The following BRAT1 variants were observed in gnomAD, a reference collection of about 807,000 sequenced individuals.
BRAT1 encodes BRCA1 associated ATM activator 1.
A neutral mutation model predicts 70.6 loss-of-function variants in BRAT1; 74 were observed. That is an observed-to-expected ratio of 1.05 (90% CI 0.87 to 1.27). The LOEUF (loss-of-function observed/expected upper bound fraction) is 1.27, where lower values mean the gene tolerates loss of function less well. Among genes scored for constraint, BRAT1 ranks in the 50% most tolerant of loss-of-function variants. The pLI is 0.00. For synonymous variants in BRAT1, 615 were observed against 517.1 expected, an observed-to-expected ratio of 1.19 and a Z score of -2.57; for missense variants, 1,203 against 1,098.2, an observed-to-expected ratio of 1.10 and a Z score of -1.35.
chr7:2,545,024 C>T lies in BRAT1; in HGVS notation c.315G>A (p.Glu105=). Residue 105 remains glutamate, a synonymous_variant, in exon 4 of 14, where the codon GAG becomes GAA. Transcript: ENST00000340611. ...AGGTTGCTCGGCCGAGGGGTCCTGG[C>T]TCCCCAAAGAGCCCTGGTAGTAACT... The part of the protein sequence containing the change: ...QGELLPGLFG[E]PGPLGRATWA... 2 of 1,527,934 alleles carry T rather than the reference C, an allele frequency of 1.3e-6. No individual in the cohort carries two copies. The highest frequency in any genetic ancestry group is 2.5e-5 in the South Asian group (2 of 79,846). 94.6% of individuals were successfully genotyped at this position (1,527,934 alleles called of 1,614,324 possible).
chr7:2,541,993 C>T, intron 7 of BRAT1, 127 bp downstream of exon 7: 2 of 1,207,648 alleles, frequency 1.7e-6, no homozygotes, highest in Non-Finnish European at 2.3e-6. Flanking sequence ...CCCCTTTGCT[C>T]TTGGAGGGAG....
chr7:2,539,703 C>G, intron 11 of BRAT1, 61 bp from the exon 12 acceptor site: 1 of 1,548,874 alleles, frequency 6.5e-7, no homozygotes, highest in Non-Finnish European at 8.8e-7. Flanking sequence ...GCCCTCAGAG[C>G]CAGCTGAGCC....
In BRAT1 at chr7:2,538,108, C is replaced by T. The variant is rs760489828; in HGVS notation, c.2427G>A (p.Thr809=). 3.0e-5 allele frequency: 47 copies of T among 1,591,204 alleles called. No individual in the cohort carries two copies. In the South Asian group the frequency reaches 3.1e-4, roughly 11 times the overall value. ...PQSLLQDMLA[T]GGFLQGDEAD... ...CCTCGTCCCCCTGCAGGAAGCCTCC[C>T]GTGGCCAGCATGTCCTGCAGGAGGG... Residue 809 remains threonine (T), a synonymous_variant, in exon 14 of 14, where the codon ACG becomes ACA. Transcript: ENST00000340611.
chr7:2,539,775 G>T lies in BRAT1; in HGVS notation c.1498+11C>A. Reference sequence around the variant, plus strand: ...TCCAGCTCCGTTCACCCCTGCAAGGGGCTGCGTTACCTCTGAGGAACTGCG... The same window carrying T: ...TCCAGCTCCGTTCACCCCTGCAAGGTGCTGCGTTACCTCTGAGGAACTGCG... On this transcript the variant is annotated intron_variant, in intron 11 of 13. Coordinates refer to ENST00000340611, the MANE Select transcript of BRAT1 (RefSeq NM_152743.4). 1 of 1,607,126 alleles carries T rather than the reference G, an allele frequency of 6.2e-7. No homozygotes were observed. The highest frequency in any genetic ancestry group is 8.5e-7 in the Non-Finnish European group (1 of 1,176,860).
rs1486046903 is a variant in BRAT1, at chr7:2,539,524, C to T, written c.1597+20G>A. The T allele has an allele frequency of 1.3e-6, 2 of 1,538,890 alleles. No individual in the cohort carries two copies. The highest frequency in any genetic ancestry group is 1.8e-6 in the Non-Finnish European group (2 of 1,138,094). On this transcript the variant is annotated intron_variant, in intron 12 of 13. Transcript: ENST00000340611. Reference sequence around the variant, plus strand: ...CCCCCACAGGCGGGGAAGGCAGCCCCTCCACCTGCCAGCACTCACCTCCCC... The same window carrying T: ...CCCCCACAGGCGGGGAAGGCAGCCCTTCCACCTGCCAGCACTCACCTCCCC...
At chr7:2,545,526 T>G (rs1339606917) in intron 3 of BRAT1, among the ~76,000 whole-genome samples, 2 of 145,340 alleles carry the variant, frequency 1.4e-5, no homozygotes, top group South Asian at 2.2e-4. Context: ...AGTCCCACTC[T>G]GTTGCCTAGG....
chr7:2,550,173 A>G (rs199912924), intron 2 of BRAT1, among the ~76,000 whole-genome samples: 24 of 126,914 alleles, frequency 1.9e-4, no homozygotes, highest in African/African-American at 6.3e-4. Flanking sequence ...CAAAAAAAAA[A>G]GAAAAAAAAA....
chr7:2,541,616 A>T, intron 8 of BRAT1, 102 bp downstream of exon 8: 1 of 1,460,010 alleles, frequency 6.8e-7, no homozygotes, highest in Non-Finnish European at 9.2e-7. Flanking sequence ...GCGTGGATGC[A>T]AGGGTGCTGG....
At chr7:2,541,915 C>T in intron 7 of BRAT1, 79 bp from the exon 8 acceptor site, 1 of 1,474,646 alleles carries the variant, frequency 6.8e-7, no homozygotes, top group Non-Finnish European at 9.4e-7. Context: ...ACGGTCACCA[C>T]CCACAGCACA....
intron 13 of BRAT1, 35 bp from the exon 14 acceptor site, chr7:2,538,799 G>T (rs185137063): frequency 6.3e-7 from 1 of 1,596,380 alleles, no homozygotes; most frequent in Non-Finnish European, 8.5e-7. Flanking sequence ...ATGGTTGGTG[G>T]GGTGGCAGGA....
In BRAT1 at chr7:2,543,211, C is replaced by A; in HGVS notation, c.916G>T (p.Glu306Ter). Residue 306 changes from glutamate to a stop codon, truncating the protein, a stop_gained, in exon 6 of 14, where the codon GAG becomes TAG. Transcript: ENST00000340611. LOFTEE classifies it high-confidence loss of function. This position sits in a 1 kb window ranked among gnomAD's most constrained non-coding sequence, Gnocchi z 5.5. ...GPLALGILKL[E>*]HCPQALRTQA... Reference sequence around the variant, plus strand: ...ATGCACCCCAGACCATACCAGTGCTCGAGCTTCAGGATCCCCAAAGCCAGG... The same window carrying A: ...ATGCACCCCAGACCATACCAGTGCTAGAGCTTCAGGATCCCCAAAGCCAGG... 1 of 1,604,970 alleles carries A rather than the reference C, an allele frequency of 6.2e-7. No individual in the cohort carries two copies. Among genetic ancestry groups the A allele is most frequent in the East Asian group, 2.2e-5 (1 of 44,538 alleles).
At chr7:2,544,197 GT>G in intron 4 of BRAT1, 2 of 121,098 alleles carry the variant, frequency 1.7e-5, no homozygotes, top group Non-Finnish European at 3.0e-5. Context: ...GTTCCTTCTT[GT>G]TGTTTTTTTT....
chr7:2,540,785 G>A (rs945795993), intron 10 of BRAT1, 194 bp downstream of exon 10: 31 of 519,816 alleles, frequency 6.0e-5, no homozygotes, highest in African/African-American at 5.6e-4. Flanking sequence ...GCGTGCTGAT[G>A]TATCTTCACC....
chr7:2,539,470 G>C, intron 12 of BRAT1, 74 bp downstream of exon 12: 7 of 1,500,038 alleles, frequency 4.7e-6, no homozygotes, highest in Non-Finnish European at 6.3e-6. Flanking sequence ...GCCAGCAAGA[G>C]GCTGCTGGTG....
At chr7:2,540,254 A>T (rs1045310892) in intron 10 of BRAT1, 3 of 197,552 alleles carry the variant, frequency 1.5e-5, no homozygotes, top group Non-Finnish European at 3.1e-5. Flanking sequence ...TTTTGTAGAG[A>T]TGGGATCTTG....
rs1172630697 is a variant in BRAT1, at chr7:2,544,200, G to GTT, written c.431-240_431-239dup. On this transcript the variant is annotated intron_variant, in intron 4 of 13. Transcript: ENST00000340611. The stretch of plus-strand genomic sequence containing the variant: ...GCTTCCCAATTCGTTCCTTCTTGTT[G>GTT]TTTTTTTTTTTTTTTTTTTTGAGAC... 491 of 108,418 alleles carry GTT rather than the reference G, an allele frequency of 4.5e-3. 3 individuals are homozygous for GTT. The highest frequency in any genetic ancestry group is 0.014 in the Middle Eastern group (3 of 210). The allele number at this position is 108,418 out of a possible 1,614,324, so 6.7% of individuals were successfully genotyped here.
chr7:2,539,791 A>T lies in BRAT1; in HGVS notation c.1493T>A (p.Leu498His). Residue 498 changes from leucine to histidine, a missense_variant, in exon 11 of 14, where the codon CTC becomes CAC. Physicochemically the swap from Leu to His is moderately conservative, Grantham distance 99. Transcript: ENST00000340611. ...CCTGCAAGGGGCTGCGTTACCTCTGAGGAACTGCGGGATGAGGGGGCCGAG... is the reference window on the plus strand; with the variant it reads ...CCTGCAAGGGGCTGCGTTACCTCTGTGGAACTGCGGGATGAGGGGGCCGAG... ...SDLGPLIPQFLRELFPVLQKR... is the reference protein window; with the variant it reads ...SDLGPLIPQFHRELFPVLQKR... 6.2e-7 allele frequency: 1 copy of T among 1,611,310 alleles called. No individual in the cohort carries two copies.
intron 7 of BRAT1, 98 bp downstream of exon 7, chr7:2,541,999 GGGAGGCCTGGGTGTGATTAAAGT>G (rs1032305314): frequency 5.7e-5 from 69 of 1,205,642 alleles, no homozygotes; most frequent in Non-Finnish European, 7.7e-5. Flanking sequence ...TGCTCTTGGA[GGGAGGCCTGGGTGTGATTAAAGT>G]GGGGCGGGGG....
chr7:2,540,019 G>A, intron 10 of BRAT1, 131 bp from the exon 11 acceptor site: 2 of 633,280 alleles, frequency 3.2e-6, no homozygotes, highest in Non-Finnish European at 2.6e-6. Context: ...GAGAGAGAAG[G>A]GAACGCTGGG....
Sources: gnomAD v4.1 joint callset for allele counts (sites outside exome capture counted in the v4.1 genomes callset) on GRCh38, gnomAD v4.1.1 for gene constraint, Gnocchi (gnomAD v3.1) non-coding constraint, MANE v1.5 for transcripts, NCBI Gene and HGNC (gene_info 2026-07-23, HGNC 2026-07-21) for gene names.